ABHD12: variants seen among roughly 807,000 people sequenced by gnomAD.
ABHD12 encodes lysophosphatidylserine lipase ABHD12.
Under a neutral mutation model 58.3 loss-of-function variants are expected in ABHD12, and 43 were observed. The observed-to-expected ratio is 0.74, with a 90% CI of 0.58 to 0.95. ABHD12 has a LOEUF of 0.95. Ranked by LOEUF, ABHD12 falls within the 40% of genes least tolerant of loss-of-function variation. The pLI is 0.00. For synonymous variants in ABHD12, 219 were observed against 211.2 expected, an observed-to-expected ratio of 1.04 and a Z score of -0.32; for missense variants, 539 against 537.2, an observed-to-expected ratio of 1.00 and a Z score of -0.03.
rs1226517514 is a variant in ABHD12, at chr20:25,302,284, A to G, written c.1092T>C (p.Phe364=). Residue 364 remains phenylalanine (F), a synonymous_variant, in exon 12 of 13, where the codon TTT becomes TTC. Coordinates refer to ENST00000339157, the MANE Select transcript of ABHD12 (RefSeq NM_001042472.3). The part of the protein sequence containing the change: ...FRDFKVQFVP[F]HSDLGYRHKY... ...TGTGCCTGTAGCCAAGGTCTGAATG[A>G]AAGGGCACAAACTGAACTTTGAAAT... is the stretch of plus-strand genomic sequence containing the variant. The G allele has an allele frequency of 1.2e-5, 19 of 1,613,866 alleles. No individual in the cohort carries two copies. The highest frequency in any genetic ancestry group is 1.6e-5 in the Non-Finnish European group (19 of 1,180,002).
In ABHD12 at chr20:25,300,647, C is replaced by A; in HGVS notation, c.*198G>T. The stretch of plus-strand genomic sequence containing the variant: ...ACATGCCTGCCACCCACGCTTTCCA[C>A]ACAGCCATGCTCAGGCCTCCGGGCA... On this transcript the variant is annotated 3_prime_UTR_variant, in exon 13 of 13. Coordinates refer to ENST00000339157, the MANE Select transcript of ABHD12 (RefSeq NM_001042472.3). 1 of 1,471,008 alleles carries A rather than the reference C, an allele frequency of 6.8e-7. No homozygotes were observed. The highest frequency in any genetic ancestry group is 9.0e-7 in the Non-Finnish European group (1 of 1,115,454). 91.1% of individuals were successfully genotyped at this position (1,471,008 alleles called of 1,614,324 possible). A position where few individuals can be genotyped will look rare whatever the true frequency, so the allele number is the denominator to read the frequency against.
chr20:25,312,944 G>A (rs1458795048), intron 6 of ABHD12, among the ~76,000 whole-genome samples: 8 of 151,290 alleles, frequency 5.3e-5, no homozygotes, highest in African/African-American at 1.7e-4. Flanking sequence ...GTCTCCACCC[G>A]CCCCATCCGG....
intron 1 of ABHD12, among the ~76,000 whole-genome samples, chr20:25,353,483 T>C (rs969376258): frequency 6.6e-6 from 1 of 152,132 alleles, no homozygotes; most frequent in Non-Finnish European, 1.5e-5. Context: ...TGTTTGGGAA[T>C]ATGGTTATTT....
At chr20:25,339,115 T>A (rs2089419622) in intron 2 of ABHD12, 112 bp downstream of exon 2, 3 of 1,514,998 alleles carry the variant, frequency 2.0e-6, no homozygotes, top group South Asian at 1.2e-5. Context: ...TACCCTTCAC[T>A]GTATGTAAAC....
In ABHD12 at chr20:25,354,699, A is replaced by G. The variant is rs568416063; in HGVS notation, c.192-15348T>C. Among the ~76,000 whole-genome samples, 5 of 152,276 alleles carry G rather than the reference A, an allele frequency of 3.3e-5. No individual in the cohort carries two copies. In the East Asian group the frequency reaches 7.7e-4, roughly 23 times the overall value. On this transcript the variant is annotated intron_variant, in intron 1 of 12. Coordinates refer to ENST00000339157, the MANE Select transcript of ABHD12 (RefSeq NM_001042472.3). ...CAGTGACACCAAAAGAAATCTGACA[A>G]GCCAAACTATTAAGTGCAATAAAAT...
At chr20:25,381,181 T>A (rs1258742570) in intron 1 of ABHD12, among the ~76,000 whole-genome samples, 1 of 152,134 alleles carries the variant, frequency 6.6e-6, no homozygotes, top group Non-Finnish European at 1.5e-5. Flanking sequence ...GCCAGTGGCA[T>A]CCATTCACAT....
intron 1 of ABHD12, among the ~76,000 whole-genome samples, chr20:25,376,009 G>A (rs1401575478): frequency 2.0e-5 from 3 of 152,060 alleles, no homozygotes; most frequent in Non-Finnish European, 2.9e-5. Context: ...TGTAGTCCCA[G>A]CCACTTGGGA....
chr20:25,367,429 A>G (rs1046162764), intron 1 of ABHD12, among the ~76,000 whole-genome samples: 7 of 152,224 alleles, frequency 4.6e-5, no homozygotes, highest in Admixed American at 2.0e-4. Context: ...AACAAAATTT[A>G]CCATCATAAC....
intron 1 of ABHD12, among the ~76,000 whole-genome samples, chr20:25,355,971 C>A (rs994857763): frequency 2.6e-5 from 4 of 152,134 alleles, no homozygotes; most frequent in African/African-American, 7.2e-5. Flanking sequence ...TGAAACTGGG[C>A]CAATAATAGG....
chr20:25,361,996 C>T (rs539577850), intron 1 of ABHD12, among the ~76,000 whole-genome samples: 6 of 151,880 alleles, frequency 4.0e-5, no homozygotes, highest in Non-Finnish European at 8.8e-5. Flanking sequence ...ATCTTACACC[C>T]GGGCACGGTG....
intron 8 of ABHD12, 104 bp from the exon 9 acceptor site, chr20:25,308,149 C>A: frequency 1.2e-6 from 1 of 850,934 alleles, no homozygotes; most frequent in Non-Finnish European, 2.0e-6. Flanking sequence ...GAGACCACAG[C>A]GCCTCCCACC....
At chr20:25,390,484 C>G (rs1386303645) in intron 1 of ABHD12, 29 bp downstream of exon 1, 3 of 1,229,870 alleles carry the variant, frequency 2.4e-6, no homozygotes, top group Non-Finnish European at 2.1e-6. Context: ...CCGGCCCCCC[C>G]CCCCCCCCCG....
In ABHD12 at chr20:25,306,866, G is replaced by A. The variant is rs748629765; in HGVS notation, c.917C>T (p.Thr306Ile). ...GFDWFFLDPI[T>I]SSGIKFANDE... ...ATTTGCAAATTTAATTCCACTACTTGTAATAGGATCAAGGAAGAACCAGTC... is the reference window on the plus strand; with the variant it reads ...ATTTGCAAATTTAATTCCACTACTTATAATAGGATCAAGGAAGAACCAGTC... The change falls in exon 10 of 13, where the codon ACA becomes ATA. Residue 306 changes from threonine (T) to isoleucine (I), a missense_variant. Transcript: ENST00000339157. 15 of 1,612,566 alleles carry A rather than the reference G, an allele frequency of 9.3e-6. No homozygotes were observed. The highest frequency in any genetic ancestry group is 2.2e-5 in the East Asian group (1 of 44,898).
At chr20:25,324,586 C>T (rs2089141041) in intron 2 of ABHD12, among the ~76,000 whole-genome samples, 1 of 152,206 alleles carries the variant, frequency 6.6e-6, no homozygotes, top group African/African-American at 2.4e-5. Context: ...CTGCTGCTGA[C>T]AGCTGTCTCT....
At chr20:25,319,694 C>G (rs1399848046) in intron 4 of ABHD12, among the ~76,000 whole-genome samples, 1 of 152,220 alleles carries the variant, frequency 6.6e-6, no homozygotes, top group Non-Finnish European at 1.5e-5. Flanking sequence ...CACCCACAGC[C>G]AAGTGCCACT....
At chr20:25,369,853 G>A (rs1017974911) in intron 1 of ABHD12, among the ~76,000 whole-genome samples, 1 of 149,170 alleles carries the variant, frequency 6.7e-6, no homozygotes, top group Non-Finnish European at 1.5e-5. Context: ...GCTGAGGCGA[G>A]AGGATTGCAT....
chr20:25,301,464 C>T (rs974141758), intron 12 of ABHD12, among the ~76,000 whole-genome samples: 8 of 152,258 alleles, frequency 5.3e-5, no homozygotes, highest in Non-Finnish European at 5.9e-5. Context: ...TTAGCAGCAG[C>T]CCCTCCGTGG....
intron 1 of ABHD12, among the ~76,000 whole-genome samples, chr20:25,342,103 C>CAAAAAAAAAAAAAAAAAAA (rs11476197): frequency 1.4e-5 from 1 of 69,804 alleles, no homozygotes. Flanking sequence ...AACTCTGTCT[C>CAAAAAAAAAAAAAAAAAAA]AAAAAAAAAA....
Position 25,390,724 on chromosome 20 carries a change from C to G in ABHD12, c.-21G>C. On this transcript the variant is annotated 5_prime_UTR_variant, in exon 1 of 13. Coordinates refer to ENST00000339157, the MANE Select transcript of ABHD12 (RefSeq NM_001042472.3). ...CTCATCCCGCGGCCGACAGGGCCAG[C>G]CGCCGACGGCGCCCGCTGGCCTGCG... is the stretch of plus-strand genomic sequence containing the variant. 7.7e-7 allele frequency: 1 copy of G among 1,305,148 alleles called. No individual in the cohort carries two copies. Among genetic ancestry groups the G allele is most frequent in the Non-Finnish European group, 9.7e-7 (1 of 1,030,710 alleles). 80.8% of individuals were successfully genotyped at this position (1,305,148 alleles called of 1,614,324 possible).
Sources: allele counts gnomAD v4.1 joint callset (sites outside exome capture counted in the v4.1 genomes callset), GRCh38; gene constraint gnomAD v4.1.1; transcripts MANE v1.5; gene names NCBI Gene and HGNC (gene_info 2026-07-23, HGNC 2026-07-21).